Variants in ARHGEF12 observed in about 807,000 individuals in gnomAD.
ARHGEF12 encodes the protein Rho guanine nucleotide exchange factor 12.
In ARHGEF12, 66 loss-of-function variants were observed where a neutral mutation model predicts 211.2. The observed-to-expected ratio is 0.31, with a 90% CI of 0.26 to 0.38. ARHGEF12 has a LOEUF of 0.38. ARHGEF12 is among the 10% of genes least tolerant of loss of function. The pLI, the probability that ARHGEF12 is intolerant of heterozygous loss-of-function variation, is 1.00. For missense variants in ARHGEF12, 1,429 were observed against 1,869.5 expected, an observed-to-expected ratio of 0.76 and a Z score of 4.34; for synonymous variants, 592 against 638.4, an observed-to-expected ratio of 0.93 and a Z score of 1.09.
At chr11:120,346,677 G>T (rs1942733783) in intron 1 of ARHGEF12, among the ~76,000 whole-genome samples, 1 of 152,182 alleles carries the variant, frequency 6.6e-6, no homozygotes, top group African/African-American at 2.4e-5. Flanking sequence ...TGTTAAATGG[G>T]TTATTTGGAG....
intron 1 of ARHGEF12, among the ~76,000 whole-genome samples, chr11:120,353,418 C>G (rs1943047226): frequency 6.6e-6 from 1 of 152,200 alleles, no homozygotes. Context: ...CTGGCCAGTC[C>G]TAGGTCTGAA....
At chr11:120,423,779 T>A (rs1478748587) in intron 6 of ARHGEF12, among the ~76,000 whole-genome samples, 2 of 152,140 alleles carry the variant, frequency 1.3e-5, no homozygotes, top group Non-Finnish European at 2.9e-5. Context: ...GTATTTTAGA[T>A]AACTTGGATC....
chr11:120,470,548 C>T (rs184163614), intron 30 of ARHGEF12, among the ~76,000 whole-genome samples: 2 of 152,234 alleles, frequency 1.3e-5, no homozygotes, highest in African/African-American at 4.8e-5. Context: ...CTAAGAGGAC[C>T]ATGTTGAAGA....
At chr11:120,344,790 C>T (rs557012605) in intron 1 of ARHGEF12, among the ~76,000 whole-genome samples, 1 of 152,290 alleles carries the variant, frequency 6.6e-6, no homozygotes, top group Admixed American at 6.5e-5. Context: ...ATGAAAAGTA[C>T]AGACATGTTC....
At chr11:120,367,975 C>T (rs1424679182) in intron 1 of ARHGEF12, among the ~76,000 whole-genome samples, 1 of 151,736 alleles carries the variant, frequency 6.6e-6, no homozygotes, top group Non-Finnish European at 1.5e-5. Flanking sequence ...AGCAAGACCT[C>T]GTCTCAAAAA....
chr11:120,421,968 T>C (rs1241360627), intron 6 of ARHGEF12, 116 bp downstream of exon 6: 10 of 732,326 alleles, frequency 1.4e-5, no homozygotes, highest in East Asian at 5.7e-5. Context: ...CTATGTATGA[T>C]AGATCTGTTG....
chr11:120,347,044 A>C (rs776722905), intron 1 of ARHGEF12, among the ~76,000 whole-genome samples: 3 of 152,006 alleles, frequency 2.0e-5, no homozygotes, highest in Non-Finnish European at 4.4e-5. Flanking sequence ...GACAGCCTGA[A>C]CTTGTTTTGA....
chr11:120,485,128 C>A lies in ARHGEF12; in HGVS notation c.*51C>A, dbSNP rs769145602. ...AGGTTGTTGGATTTGGAGTATCGGCCGTGTCTCACCACATCCTGGCTCCAG... is the reference window on the plus strand; with the variant it reads ...AGGTTGTTGGATTTGGAGTATCGGCAGTGTCTCACCACATCCTGGCTCCAG... On this transcript the variant is annotated 3_prime_UTR_variant, in exon 41 of 41. Coordinates refer to ENST00000397843, the MANE Select transcript of ARHGEF12 (RefSeq NM_015313.3). 1 of 1,609,162 alleles carries A rather than the reference C, an allele frequency of 6.2e-7. No homozygotes were observed. Among genetic ancestry groups the A allele is most frequent in the Admixed American group, 1.7e-5 (1 of 59,990 alleles).
chr11:120,361,903 A>G (rs779745071), intron 1 of ARHGEF12, among the ~76,000 whole-genome samples: 1 of 152,142 alleles, frequency 6.6e-6, no homozygotes, highest in Non-Finnish European at 1.5e-5. Flanking sequence ...AATATTTGAA[A>G]TTTTTCCTGC....
chr11:120,369,125 C>CTTTTTTTTTTT (rs1183494101), intron 1 of ARHGEF12, among the ~76,000 whole-genome samples: 24 of 127,272 alleles, frequency 1.9e-4, no homozygotes, highest in Non-Finnish European at 3.2e-4. Context: ...TTCTTTTCTT[C>CTTTTTTTTTTT]TTTTTTTTTT....
At chr11:120,484,405 T>G in intron 39 of ARHGEF12, 33 bp from the exon 40 acceptor site, 1 of 1,594,676 alleles carries the variant, frequency 6.3e-7, no homozygotes, top group Non-Finnish European at 8.6e-7. Flanking sequence ...TTCATTACGT[T>G]TGAATAAAAA....
In ARHGEF12 at chr11:120,400,307, T is replaced by G. The variant is rs1471115543; in HGVS notation, c.33-5811T>G. On this transcript the variant is annotated intron_variant, in intron 1 of 40. Transcript: ENST00000397843. ...ATTCCTAGCAAACAGAATCATGCAT[T>G]GCCCCTGTTTTATAAGTAATGAGAT... Among the ~76,000 whole-genome samples the G allele has an allele frequency of 2.6e-5, 4 of 152,164 alleles. No individual in the cohort carries two copies. The East Asian group carries it at 7.7e-4, about 29-fold the overall frequency.
At chr11:120,450,251 GT>G (rs2135837724) in intron 21 of ARHGEF12, 1 of 151,366 alleles carries the variant, frequency 6.6e-6, no homozygotes, top group South Asian at 2.1e-4. Flanking sequence ...GTGCATGTGT[GT>G]AGTCTGAGCT....
chr11:120,369,422 C>T (rs1943527369), intron 1 of ARHGEF12, among the ~76,000 whole-genome samples: 1 of 152,184 alleles, frequency 6.6e-6, no homozygotes, highest in South Asian at 2.1e-4. Context: ...AGCCATCCCA[C>T]TCGGCCAGAT....
chr11:120,436,698 G>C (rs1945704594), intron 11 of ARHGEF12, among the ~76,000 whole-genome samples: 1 of 152,104 alleles, frequency 6.6e-6, no homozygotes, highest in South Asian at 2.1e-4. Context: ...CATTTATGCT[G>C]TATTAGGTAT....
intron 1 of ARHGEF12, among the ~76,000 whole-genome samples, chr11:120,346,887 A>G (rs538445696): frequency 4.6e-5 from 7 of 152,296 alleles, no homozygotes; most frequent in African/African-American, 1.7e-4. Flanking sequence ...ACTTACAAGT[A>G]TTTCACTAAG....
At chr11:120,368,565 A>G (rs1401947967) in intron 1 of ARHGEF12, among the ~76,000 whole-genome samples, 1 of 152,152 alleles carries the variant, frequency 6.6e-6, no homozygotes, top group African/African-American at 2.4e-5. Context: ...GATACCTAAC[A>G]ATTATTTGTG....
intron 1 of ARHGEF12, among the ~76,000 whole-genome samples, chr11:120,379,049 G>A (rs563677788): frequency 6.6e-6 from 1 of 152,206 alleles, no homozygotes; most frequent in East Asian, 1.9e-4. Context: ...GTGGAGAATT[G>A]ACATCTTAAA....
At position 120,459,160 on chromosome 11, in the gene ARHGEF12, TC is replaced by T. The variant is rs1306043866; in HGVS notation, c.2381-13del. On this transcript the variant is annotated splice_polypyrimidine_tract_variant and intron_variant, in intron 25 of 40. Transcript: ENST00000397843. ...TCTAAGTAAGGCAACATTTCATATC[TC>T]TTTCCTGTTCAGAATTGTTCTACAC... 43 of 1,593,542 alleles carry T rather than the reference TC, an allele frequency of 2.7e-5. No homozygotes were observed. Among genetic ancestry groups the T allele is most frequent in the Non-Finnish European group, 3.4e-5 (40 of 1,170,598 alleles).
Sources: gnomAD v4.1 joint callset for allele counts (sites outside exome capture counted in the v4.1 genomes callset) on GRCh38, gnomAD v4.1.1 for gene constraint, MANE v1.5 for transcripts, NCBI Gene and HGNC (gene_info 2026-07-23, HGNC 2026-07-21) for gene names.